The following EIF4EBP2 variants were observed in gnomAD, a reference collection of about 807,000 sequenced individuals.
EIF4EBP2 encodes eukaryotic translation initiation factor 4E binding protein 2.
Under a neutral mutation model 10.3 loss-of-function variants are expected in EIF4EBP2, and 5 were observed. The observed-to-expected ratio is 0.48, with a 90% confidence interval of 0.25 to 1.02. The LOEUF (loss-of-function observed/expected upper bound fraction) is 1.02, where lower values mean the gene tolerates loss of function less well. EIF4EBP2 is among the 50% of genes least tolerant of loss of function. EIF4EBP2 has a pLI of 0.15. For missense variants in EIF4EBP2, 188 were observed against 162.2 expected (o/e 1.16, Z -0.86); for synonymous variants, 67 against 61.1 (o/e 1.10, Z -0.45).
At chr10:70,420,240 C>A in intron 2 of EIF4EBP2, 141 bp downstream of exon 2, 1 of 807,956 alleles carries the variant, frequency 1.2e-6, no homozygotes, top group Non-Finnish European at 1.8e-6. Context: ...CATTCTGTCA[C>A]TGAGGCTGGA....
chr10:70,423,502 C>A lies in EIF4EBP2; in HGVS notation c.*1755C>A, dbSNP rs147916533. On this transcript the variant is annotated 3_prime_UTR_variant, in exon 3 of 3. Transcript: ENST00000373218. ...CCCCTCATAGAAAGACAAAAGCATC[C>A]ATCCCCTCATAGTTAAGTAGCCACT... is the stretch of plus-strand genomic sequence containing the variant. The A allele has an allele frequency of 6.6e-5, 10 of 152,584 alleles. No homozygotes were observed. Among genetic ancestry groups the A allele is most frequent in the Non-Finnish European group, 1.3e-4 (9 of 68,030 alleles). The allele number at this position is 152,584 out of a possible 1,614,324, so 9.5% of individuals were successfully genotyped here.
intron 1 of EIF4EBP2, among the ~76,000 whole-genome samples, chr10:70,407,007 C>T (rs954096170): frequency 3.9e-5 from 6 of 152,202 alleles, no homozygotes; most frequent in African/African-American, 1.4e-4. Flanking sequence ...ACGCCATTCT[C>T]CTGCCTCAGC....
rs1033447560 is a variant in EIF4EBP2, at chr10:70,404,444, C to T, written c.43C>T (p.Arg15Cys). ...AGSGHQPSQSRAIPTRTVAIS... is the reference protein window; with the variant it reads ...AGSGHQPSQSCAIPTRTVAIS... ...CAGCGGCCACCAGCCCAGCCAGAGC[C>T]GCGCCATCCCCACCCGCACCGTGGC... The change falls in exon 1 of 3, where the codon CGC (arginine) becomes TGC (cysteine). Residue 15 changes from arginine to cysteine, a missense_variant. Physicochemically the swap from Arg to Cys is radical, Grantham distance 180. Coordinates refer to ENST00000373218, the MANE Select transcript of EIF4EBP2 (RefSeq NM_004096.5). 2 of 1,595,400 alleles carry T rather than the reference C, an allele frequency of 1.3e-6. No individual in the cohort carries two copies. Among genetic ancestry groups the T allele is most frequent in the African/African-American group, 1.4e-5 (1 of 72,232 alleles).
At chr10:70,414,416 TAC>T (rs1461513699) in intron 1 of EIF4EBP2, among the ~76,000 whole-genome samples, 14 of 152,326 alleles carry the variant, frequency 9.2e-5, no homozygotes, top group African/African-American at 3.4e-4. Context: ...TTGAGAACAT[TAC>T]AGCATTAAGA....
At position 70,419,873 on chromosome 10, in the gene EIF4EBP2, C is replaced by T. The variant is rs565604330; in HGVS notation, c.146-41C>T. The stretch of plus-strand genomic sequence containing the variant: ...CTGGGTGGTATTATATGTTGATAAC[C>T]CCTTAAATTGTTTCAAACTCTTTTT... On this transcript the variant is annotated intron_variant, in intron 1 of 2. Coordinates refer to ENST00000373218, the MANE Select transcript of EIF4EBP2 (RefSeq NM_004096.5). 5.7e-5 allele frequency: 81 copies of T among 1,413,336 alleles called. No homozygotes were observed. The South Asian group carries it at 1.1e-3, about 19-fold the overall frequency. 87.5% of individuals were successfully genotyped at this position (1,413,336 alleles called of 1,614,324 possible).
At chr10:70,404,639 C>A in intron 1 of EIF4EBP2, 93 bp downstream of exon 1, 1 of 1,376,600 alleles carries the variant, frequency 7.3e-7, no homozygotes, top group Non-Finnish European at 9.4e-7. Context: ...CGCCCCCGCC[C>A]CCAGCTCCAC....
intron 1 of EIF4EBP2, among the ~76,000 whole-genome samples, chr10:70,417,390 G>A (rs991089809): frequency 6.6e-6 from 1 of 151,994 alleles, no homozygotes; most frequent in African/African-American, 2.4e-5. Flanking sequence ...GGTTATGGGG[G>A]TAATGAAAGG....
chr10:70,423,766 A>C lies in EIF4EBP2; in HGVS notation c.*2019A>C, dbSNP rs1391781314. On this transcript the variant is annotated 3_prime_UTR_variant, in exon 3 of 3. Coordinates refer to ENST00000373218, the MANE Select transcript of EIF4EBP2 (RefSeq NM_004096.5). ...TAGTTCAGAGTGAAAACCTTTTGTG[A>C]TGGTTGATGTCTCAGGAATAAGCTG... is the stretch of plus-strand genomic sequence containing the variant. The C allele has an allele frequency of 6.6e-6, 1 of 152,614 alleles. No individual in the cohort carries two copies. Among genetic ancestry groups the C allele is most frequent in the East Asian group, 1.9e-4 (1 of 5,204 alleles). 9.5% of individuals were successfully genotyped at this position (152,614 alleles called of 1,614,324 possible).
chr10:70,408,424 G>C (rs574750766), intron 1 of EIF4EBP2, among the ~76,000 whole-genome samples: 1 of 152,334 alleles, frequency 6.6e-6, no homozygotes, highest in Non-Finnish European at 1.5e-5. Flanking sequence ...GTAATCAGTG[G>C]ATTTTTAACA....
At chr10:70,410,064 C>CA (rs1845028056) in intron 1 of EIF4EBP2, among the ~76,000 whole-genome samples, 1 of 149,398 alleles carries the variant, frequency 6.7e-6, no homozygotes, top group Non-Finnish European at 1.5e-5. Flanking sequence ...AAGGGAGCTG[C>CA]TTTTTTTTTT....
intron 1 of EIF4EBP2, among the ~76,000 whole-genome samples, chr10:70,410,335 G>T (rs1845031880): frequency 6.6e-6 from 1 of 151,948 alleles, no homozygotes. Flanking sequence ...CTCCCAGAGT[G>T]CTGGGATTGA....
intron 1 of EIF4EBP2, among the ~76,000 whole-genome samples, chr10:70,408,995 A>C (rs1361709182): frequency 6.6e-6 from 1 of 152,230 alleles, no homozygotes; most frequent in Non-Finnish European, 1.5e-5. Context: ...GCATTCCAGC[A>C]TAACAACAGT....
chr10:70,412,399 TG>T (rs1845055480), intron 1 of EIF4EBP2, among the ~76,000 whole-genome samples: 1 of 13,708 alleles, frequency 7.3e-5, no homozygotes, highest in Non-Finnish European at 1.4e-4. Context: ...GGCCGGGGGG[TG>T]GGGGTGGGGG....
rs1373086289 is a variant in EIF4EBP2 at position 70,419,902 on chromosome 10, C to T, written c.146-12C>T. The T allele has an allele frequency of 2.6e-6, 4 of 1,553,404 alleles. No individual in the cohort carries two copies. The African/African-American group carries it at 4.2e-5, about 16-fold the overall frequency. On this transcript the variant is annotated splice_polypyrimidine_tract_variant and intron_variant, in intron 1 of 2. Transcript: ENST00000373218. ...TAAATTGTTTCAAACTCTTTTTAACCCTGTTTTCCAGGAACTCGAATCATT... is the reference window on the plus strand; with the variant it reads ...TAAATTGTTTCAAACTCTTTTTAACTCTGTTTTCCAGGAACTCGAATCATT...
In EIF4EBP2 at chr10:70,427,856, C is replaced by T. The variant is rs1845219356; in HGVS notation, c.*6109C>T. ...CTGAAATTTCCAAAGGGAGCTCTTG[C>T]CGGTGCTTAAAACCAAAACTCCTGG... On this transcript the variant is annotated 3_prime_UTR_variant, in exon 3 of 3. Coordinates refer to ENST00000373218, the MANE Select transcript of EIF4EBP2 (RefSeq NM_004096.5). 6.6e-6 allele frequency: 1 copy of T among 152,078 alleles called. No individual in the cohort carries two copies. The highest frequency in any genetic ancestry group is 6.5e-5 in the Admixed American group (1 of 15,278). 9.4% of individuals were successfully genotyped at this position (152,078 alleles called of 1,614,324 possible). A position where few individuals can be genotyped will look rare whatever the true frequency, so the allele number is the denominator to read the frequency against.
chr10:70,404,504 T>G lies in EIF4EBP2; in HGVS notation c.103T>G (p.Cys35Gly). Residue 35 changes from cysteine to glycine, a missense_variant, in exon 1 of 3, where the codon TGC becomes GGC. Coordinates refer to ENST00000373218, the MANE Select transcript of EIF4EBP2 (RefSeq NM_004096.5). Reference protein sequence around the residue: ...SDAAQLPHDYCTTPGGTLFST... With the variant: ...SDAAQLPHDYGTTPGGTLFST... ...CGCCGCGCAGCTACCTCATGACTAT[T>G]GCACCACGCCCGGGGGGACGCTCTT... is the stretch of plus-strand genomic sequence containing the variant. The G allele has an allele frequency of 4.4e-6, 7 of 1,595,174 alleles. No individual in the cohort carries two copies. Among genetic ancestry groups the G allele is most frequent in the Non-Finnish European group, 6.0e-6 (7 of 1,173,518 alleles).
intron 1 of EIF4EBP2, among the ~76,000 whole-genome samples, chr10:70,413,286 CT>C (rs1207070322): frequency 1.3e-5 from 2 of 152,116 alleles, no homozygotes; most frequent in Non-Finnish European, 2.9e-5. Context: ...TTCACCTGTC[CT>C]CCTGCCTTTA....
rs1483459406 is a variant in EIF4EBP2, at chr10:70,425,211, C to T, written c.*3464C>T. On this transcript the variant is annotated 3_prime_UTR_variant, in exon 3 of 3. Coordinates refer to ENST00000373218, the MANE Select transcript of EIF4EBP2 (RefSeq NM_004096.5). ...CTCACACCATGACACCTGGCTTCTCCCTGAGCAGCTGATTCCAGAGATCAT... is the reference window on the plus strand; with the variant it reads ...CTCACACCATGACACCTGGCTTCTCTCTGAGCAGCTGATTCCAGAGATCAT... The T allele has an allele frequency of 2.0e-5, 3 of 152,244 alleles. No individual in the cohort carries two copies. The highest frequency in any genetic ancestry group is 6.5e-5 in the Admixed American group (1 of 15,282). The allele number at this position is 152,244 out of a possible 1,614,324, so 9.4% of individuals were successfully genotyped here. A position where few individuals can be genotyped will look rare whatever the true frequency, so the allele number is the denominator to read the frequency against.
chr10:70,409,068 G>C (rs1845014571), intron 1 of EIF4EBP2, among the ~76,000 whole-genome samples: 2 of 152,172 alleles, frequency 1.3e-5, no homozygotes, highest in South Asian at 4.1e-4. Context: ...AGCAAACTTA[G>C]AGTTTCTCCC....
Sources: allele counts gnomAD v4.1 joint callset (sites outside exome capture counted in the v4.1 genomes callset), GRCh38; gene constraint gnomAD v4.1.1; transcripts MANE v1.5; gene names NCBI Gene and HGNC (gene_info 2026-07-23, HGNC 2026-07-21).